The following HLCS variants were observed in gnomAD, a reference collection of about 807,000 sequenced individuals.
HLCS encodes the protein biotin--protein ligase.
In HLCS, 53 loss-of-function variants were observed where a neutral mutation model predicts 75.0. The observed-to-expected ratio is 0.71, with a 90% CI of 0.57 to 0.89. The LOEUF (loss-of-function observed/expected upper bound fraction) is 0.89. Among genes scored for constraint, HLCS ranks in the 40% least tolerant of loss-of-function variants. The pLI, the probability that HLCS is intolerant of heterozygous loss-of-function variation, is 0.00. For synonymous variants in HLCS, 431 were observed against 428.6 expected (o/e 1.01, Z -0.07); for missense variants, 966 against 1,074.0 (o/e 0.90, Z 1.41).
At chr21:36,763,960 T>C (rs6517380) in intron 8 of HLCS, among the ~76,000 whole-genome samples, 152,370 of 152,370 alleles carry the variant, frequency 1, 76,185 homozygotes, top group Non-Finnish European at 1. Context: ...TAAAGGATAG[T>C]TCTGTTAGAG....
At chr21:36,838,939 G>T (rs1369152709) in intron 6 of HLCS, among the ~76,000 whole-genome samples, 7 of 152,194 alleles carry the variant, frequency 4.6e-5, no homozygotes, top group African/African-American at 4.8e-5. Context: ...AACCGACAGA[G>T]AATTATTTTC....
upstream of HLCS, among the ~76,000 whole-genome samples, chr21:36,968,079 G>A (rs1372664669): frequency 6.6e-6 from 1 of 152,044 alleles, no homozygotes; most frequent in South Asian, 2.1e-4. Flanking sequence ...GAGTGCCGTG[G>A]CATAATCACA....
At chr21:36,885,783 A>T (rs1022043657) in intron 6 of HLCS, among the ~76,000 whole-genome samples, 2 of 152,186 alleles carry the variant, frequency 1.3e-5, no homozygotes, top group East Asian at 1.9e-4. Context: ...CCAGAGCCTC[A>T]CACAGGATCT....
At chr21:36,803,449 C>A (rs1398613054) in intron 6 of HLCS, among the ~76,000 whole-genome samples, 1 of 152,204 alleles carries the variant, frequency 6.6e-6, no homozygotes, top group East Asian at 1.9e-4. Flanking sequence ...CAGAAACGCT[C>A]GCACAGGGCG....
intron 6 of HLCS, among the ~76,000 whole-genome samples, chr21:36,880,688 G>C (rs2064170406): frequency 6.6e-6 from 1 of 152,116 alleles, no homozygotes; most frequent in South Asian, 2.1e-4. Context: ...AAGCATATCA[G>C]ACCCCACACT....
At chr21:36,764,308 A>G (rs2089957471) in intron 8 of HLCS, among the ~76,000 whole-genome samples, 1 of 151,676 alleles carries the variant, frequency 6.6e-6, no homozygotes, top group Non-Finnish European at 1.5e-5. Flanking sequence ...GAGGCAGGGG[A>G]ATTGCTTGAA....
chr21:36,983,037 A>C (rs1430035147), intron 1 of HLCS, among the ~76,000 whole-genome samples: 3 of 152,268 alleles, frequency 2.0e-5, no homozygotes, highest in African/African-American at 7.2e-5. Context: ...CCGTCTCAAA[A>C]AAAAAACAAA....
intron 10 of HLCS, 116 bp from the exon 11 acceptor site, chr21:36,754,533 C>T (rs2089484896): frequency 3.5e-6 from 4 of 1,127,606 alleles, no homozygotes; most frequent in Non-Finnish European, 5.2e-6. Context: ...AGGGCTGAGG[C>T]TCGCTGCAGG....
chr21:36,825,467 G>A (rs1049439940), intron 6 of HLCS, among the ~76,000 whole-genome samples: 1 of 152,140 alleles, frequency 6.6e-6, no homozygotes, highest in African/African-American at 2.4e-5. Flanking sequence ...TGGTGTGTGT[G>A]TGTATGTGTG....
intron 6 of HLCS, among the ~76,000 whole-genome samples, chr21:36,771,964 A>C (rs1601173295): frequency 6.6e-6 from 1 of 151,468 alleles, no homozygotes; most frequent in African/African-American, 2.4e-5. Flanking sequence ...ACACCACTGC[A>C]CTCCAGCCTA....
In HLCS at chr21:36,947,389, G is replaced by A. The variant is rs920668330; in HGVS notation, c.331-8395C>T. Reference sequence around the variant, plus strand: ...TCCATGAGCCATGGACCATGCAAACGCCTTCAAGCAGCGCTGGGTGCTCCG... The same window carrying A: ...TCCATGAGCCATGGACCATGCAAACACCTTCAAGCAGCGCTGGGTGCTCCG... On this transcript the variant is annotated intron_variant, in intron 2 of 10. Transcript: ENST00000674895. The A allele has an allele frequency of 2.3e-5, 23 of 985,242 alleles. No homozygotes were observed. The South Asian group carries it at 5.2e-4, about 22-fold the overall frequency. The allele number at this position is 985,242 out of a possible 1,614,324, so 61.0% of individuals were successfully genotyped here. A position where few individuals can be genotyped will look rare whatever the true frequency, so the allele number is the denominator to read the frequency against.
chr21:36,951,469 A>T (rs1296390033), intron 2 of HLCS, among the ~76,000 whole-genome samples: 2 of 152,194 alleles, frequency 1.3e-5, no homozygotes, highest in Non-Finnish European at 1.5e-5. Context: ...GACCTCACGC[A>T]TCTAAGTAGG....
chr21:36,829,451 C>T (rs1331854870), intron 6 of HLCS, among the ~76,000 whole-genome samples: 1 of 152,148 alleles, frequency 6.6e-6, no homozygotes, highest in African/African-American at 2.4e-5. Context: ...ACATAATTTA[C>T]AGTATTAACT....
At chr21:36,754,784 G>A (rs890210250) in intron 10 of HLCS, among the ~76,000 whole-genome samples, 4 of 152,182 alleles carry the variant, frequency 2.6e-5, no homozygotes, top group East Asian at 1.9e-4. Context: ...AAAATAGGCC[G>A]AGTTGGCAAA....
chr21:36,966,727 C>T (rs113500531), upstream of HLCS: 87,728 of 536,988 alleles, frequency 0.16, 7,728 homozygotes, highest in East Asian at 0.33. Context: ...GGCCGCGCCG[C>T]CCCCCCGGGC....
intron 6 of HLCS, among the ~76,000 whole-genome samples, chr21:36,869,831 C>G (rs1347852564): frequency 6.6e-6 from 1 of 152,090 alleles, no homozygotes; most frequent in Non-Finnish European, 1.5e-5. Context: ...ATCCAACCCC[C>G]CTACTTAAAG....
chr21:36,776,350 G>A (rs1243387903), intron 6 of HLCS, among the ~76,000 whole-genome samples: 1 of 152,002 alleles, frequency 6.6e-6, no homozygotes, highest in African/African-American at 2.4e-5. Context: ...CTAAAACCCA[G>A]GGTTTATCTT....
At chr21:36,823,216 T>C (rs139309895) in intron 6 of HLCS, among the ~76,000 whole-genome samples, 49 of 152,310 alleles carry the variant, frequency 3.2e-4, no homozygotes, top group African/African-American at 1.2e-3. Context: ...TGGATAATGA[T>C]GCACAATGCC....
intron 4 of HLCS, 88 bp from the exon 5 acceptor site, chr21:36,930,521 T>TA: frequency 8.9e-7 from 1 of 1,126,514 alleles, no homozygotes. Flanking sequence ...TTTTTTTTTT[T>TA]AAATTTAGAG....
Sources: allele counts gnomAD v4.1 joint callset (sites outside exome capture counted in the v4.1 genomes callset), GRCh38; gene constraint gnomAD v4.1.1; transcripts MANE v1.5; gene names NCBI Gene and HGNC (gene_info 2026-07-23, HGNC 2026-07-21).